The following SCN9A variants were observed in gnomAD, a reference collection of about 807,000 sequenced individuals.
SCN9A encodes sodium voltage-gated channel alpha subunit 9.
A neutral mutation model predicts 187.0 loss-of-function variants in SCN9A; 131 were observed. That is an observed-to-expected ratio of 0.70 (90% CI 0.61 to 0.81). The LOEUF is 0.81. Ranked by LOEUF, SCN9A falls within the 30% of genes least tolerant of loss-of-function variation. The pLI is 0.00. For missense variants in SCN9A, 2,252 were observed against 2,396.6 expected (o/e 0.94, Z 1.26); for synonymous variants, 809 against 808.6 (o/e 1.00, Z -0.01).
At chr2:166,204,694 A>G in intron 24 of SCN9A, 1 of 267,820 alleles carries the variant, frequency 3.7e-6, no homozygotes, top group Non-Finnish European at 6.9e-6. Context: ...TACATATAAT[A>G]AGGATTGGCT....
chr2:166,257,728 T>C lies in SCN9A; in HGVS notation c.3352-5843A>G, dbSNP rs910440917. Among the ~76,000 whole-genome samples the C allele has an allele frequency of 3.3e-5, 5 of 151,644 alleles. No individual in the cohort carries two copies. The East Asian group carries it at 9.7e-4, about 29-fold the overall frequency. On this transcript the variant is annotated intron_variant, in intron 17 of 26. Transcript: ENST00000642356. Reference sequence around the variant, plus strand: ...ATATGTTTATATGTCTATGCATGTATATATATTTCTAGAAATAGCTTTCTC... The same window carrying C: ...ATATGTTTATATGTCTATGCATGTACATATATTTCTAGAAATAGCTTTCTC...
intron 17 of SCN9A, among the ~76,000 whole-genome samples, chr2:166,259,750 G>C (rs779354017): frequency 4.0e-5 from 6 of 151,524 alleles, no homozygotes; most frequent in Non-Finnish European, 8.9e-5. Flanking sequence ...TTGCAAAAAA[G>C]TGAAGTTTCC....
intron 1 of SCN9A, among the ~76,000 whole-genome samples, chr2:166,348,444 A>G (rs1699955371): frequency 6.6e-6 from 1 of 152,116 alleles, no homozygotes; most frequent in African/African-American, 2.4e-5. Context: ...AGGGCTATTG[A>G]TTATACTTTC....
intron 1 of SCN9A, among the ~76,000 whole-genome samples, chr2:166,326,701 T>C (rs1699372359): frequency 6.6e-6 from 1 of 152,222 alleles, no homozygotes; most frequent in African/African-American, 2.4e-5. Context: ...ACTTTTCTTT[T>C]TTTATGAGAG....
At chr2:166,291,500 G>A (rs1029967545) in intron 9 of SCN9A, among the ~76,000 whole-genome samples, 14 of 152,114 alleles carry the variant, frequency 9.2e-5, no homozygotes, top group Non-Finnish European at 1.5e-4. Flanking sequence ...CCATACTGCC[G>A]AAAGTAATTT....
At chr2:166,349,105 C>A (rs571001720) in intron 1 of SCN9A, among the ~76,000 whole-genome samples, 1 of 150,574 alleles carries the variant, frequency 6.6e-6, no homozygotes, top group East Asian at 2.0e-4. Flanking sequence ...TCAGGATGGG[C>A]AACAAGAGCA....
chr2:166,199,098 C>T lies in SCN9A; in HGVS notation c.5541G>A (p.Lys1847=), dbSNP rs1026656279. Residue 1847 remains lysine (K), a synonymous_variant, in exon 27 of 27, where the codon AAG becomes AAA. Transcript: ENST00000642356. ...TCTCCCCACTCTCACCCAAAACACG[C>T]TTTGTAAAAGCAAATAAGATGTCAA... The part of the protein sequence containing the change: ...HCLDILFAFT[K]RVLGESGEMD... The T allele has an allele frequency of 1.2e-6, 2 of 1,614,026 alleles. No individual in the cohort carries two copies. Among genetic ancestry groups the T allele is most frequent in the African/African-American group, 2.7e-5 (2 of 74,910 alleles).
At chr2:166,235,121 T>C (rs193089269) in intron 20 of SCN9A, among the ~76,000 whole-genome samples, 263 of 152,256 alleles carry the variant, frequency 1.7e-3, no homozygotes, top group African/African-American at 5.4e-3. Flanking sequence ...AATTTCTTTA[T>C]TGAATACTTT....
chr2:166,311,499 C>T lies in SCN9A; in HGVS notation c.258G>A (p.Lys86=), dbSNP rs199940586. ...EDLDPYYADK[K]TFIVLNKGKT... ...ACCACTGAAGTCAAAATAAACTCAC[C>T]TTTTTGTCTGCATAGTAGGGGTCCA... Residue 86 remains lysine, a splice_region_variant and synonymous_variant, in exon 2 of 27, where the codon AAG becomes AAA. Coordinates refer to ENST00000642356, the MANE Select transcript of SCN9A (RefSeq NM_001365536.1). 8 of 1,544,058 alleles carry T rather than the reference C, an allele frequency of 5.2e-6. No individual in the cohort carries two copies. Among genetic ancestry groups the T allele is most frequent in the Non-Finnish European group, 7.0e-6 (8 of 1,141,628 alleles).
intron 10 of SCN9A, 41 bp downstream of exon 10, chr2:166,288,396 A>G (rs202210315): frequency 2.5e-5 from 38 of 1,537,228 alleles, no homozygotes; most frequent in Non-Finnish European, 3.3e-5. Context: ...AACCGTTTGC[A>G]TTTCTACCTC....
intron 24 of SCN9A, 54 bp from the exon 25 acceptor site, chr2:166,204,518 T>G (rs1407389707): frequency 1.7e-5 from 19 of 1,116,922 alleles, no homozygotes; most frequent in Admixed American, 9.2e-5. Flanking sequence ...ATTGTCTACA[T>G]CTTTCTATAG....
In SCN9A at chr2:166,198,819, G is replaced by T; in HGVS notation, c.5820C>A (p.Asn1940Lys). 6.2e-7 allele frequency: 1 copy of T among 1,613,204 alleles called. No homozygotes were observed. Among genetic ancestry groups the T allele is most frequent in the South Asian group, 1.1e-5 (1 of 91,026 alleles). The change falls in exon 27 of 27, where the codon AAC becomes AAA. Residue 1940 changes from asparagine to lysine, a missense_variant. Transcript: ENST00000642356. ...TGGCATCTGTTTTTTCTGGACTTGA[G>T]TTCTCATTAACATTATCAAAAGCCA... is the stretch of plus-strand genomic sequence containing the variant. ...KDMAFDNVNE[N>K]SSPEKTDATS...
Position 166,272,522 on chromosome 2 carries a change from A to T in SCN9A, c.3228T>A (p.Gly1076=), listed in dbSNP as rs200393050. 2.6e-4 allele frequency: 412 copies of T among 1,613,294 alleles called. No homozygotes were observed. Among genetic ancestry groups the T allele is most frequent in the Non-Finnish European group, 3.4e-4 (404 of 1,179,672 alleles). ...GGCTGGGATTGTGAATAAATGATTG[A>T]CCATCACTGTCTTCCATCAAGTGTT... ...VDKHLMEDSD[G]QSFIHNPSLT... The change falls in exon 17 of 27, where the codon GGT becomes GGA. Residue 1076 remains glycine, a synonymous_variant. Coordinates refer to ENST00000642356, the MANE Select transcript of SCN9A (RefSeq NM_001365536.1).
intron 24 of SCN9A, among the ~76,000 whole-genome samples, chr2:166,222,942 C>CAA (rs1558960810): frequency 3.6e-5 from 2 of 55,294 alleles, no homozygotes; most frequent in African/African-American, 1.6e-4. Context: ...AAAAAAAAAA[C>CAA]AACAAAAAAA....
At position 166,197,738 on chromosome 2, in the gene SCN9A, A is replaced by G. The variant is rs1693285381; in HGVS notation, c.*934T>C. On this transcript the variant is annotated 3_prime_UTR_variant, in exon 27 of 27. Coordinates refer to ENST00000642356, the MANE Select transcript of SCN9A (RefSeq NM_001365536.1). ...CGAAAGGATGACTAAACAATACTGCATAAGAAAGCAGGAAAATTTGACAAA... is the reference window on the plus strand; with the variant it reads ...CGAAAGGATGACTAAACAATACTGCGTAAGAAAGCAGGAAAATTTGACAAA... 6.6e-6 allele frequency: 1 copy of G among 152,224 alleles called. No homozygotes were observed. The highest frequency in any genetic ancestry group is 2.1e-4 in the South Asian group (1 of 4,834). 9.4% of individuals were successfully genotyped at this position (152,224 alleles called of 1,614,324 possible). A position where few individuals can be genotyped will look rare whatever the true frequency, so the allele number is the denominator to read the frequency against.
Position 166,332,876 on chromosome 2 carries a change from T to G in SCN9A, c.-50-21070A>C, listed in dbSNP as rs1207456644. Among the ~76,000 whole-genome samples the G allele has an allele frequency of 3.3e-5, 5 of 151,848 alleles. No homozygotes were observed. The East Asian group carries it at 9.6e-4, about 29-fold the overall frequency. On this transcript the variant is annotated intron_variant, in intron 1 of 26. Coordinates refer to ENST00000642356, the MANE Select transcript of SCN9A (RefSeq NM_001365536.1). Reference sequence around the variant, plus strand: ...GACCATAAGCCTTCCATAAGCAACCTGATGATGCTAACTTACTACAATAAA... The same window carrying G: ...GACCATAAGCCTTCCATAAGCAACCGGATGATGCTAACTTACTACAATAAA...
chr2:166,209,471 G>T (rs115325298), intron 24 of SCN9A, among the ~76,000 whole-genome samples: 9,532 of 151,814 alleles, frequency 0.063, 364 homozygotes, highest in Non-Finnish European at 0.089. Flanking sequence ...ATCAATGAAG[G>T]GAAAGAAACT....
intron 24 of SCN9A, among the ~76,000 whole-genome samples, chr2:166,225,689 T>C (rs1372023163): frequency 2.0e-5 from 3 of 152,160 alleles, no homozygotes; most frequent in Admixed American, 2.0e-4. Context: ...ATTGCAGATG[T>C]AATTAAGATG....
chr2:166,240,973 C>T (rs1398466781), intron 19 of SCN9A, among the ~76,000 whole-genome samples: 2 of 152,090 alleles, frequency 1.3e-5, no homozygotes, highest in East Asian at 1.9e-4. Context: ...CATATAATGC[C>T]CCCATGAGAC....
Sources: allele counts gnomAD v4.1 joint callset (sites outside exome capture counted in the v4.1 genomes callset), GRCh38; gene constraint gnomAD v4.1.1; transcripts MANE v1.5; gene names NCBI Gene and HGNC (gene_info 2026-07-23, HGNC 2026-07-21).